The following USH2A variants were observed in gnomAD, a reference collection of about 807,000 sequenced individuals.
The protein encoded by USH2A is usherin.
Under a neutral mutation model 538.9 loss-of-function variants are expected in USH2A, and 443 were observed. That is an observed-to-expected ratio of 0.82 (90% confidence interval 0.76 to 0.89). The LOEUF (loss-of-function observed/expected upper bound fraction) is 0.89, where lower values mean the gene tolerates loss of function less well. Among genes scored for constraint, USH2A ranks in the 40% least tolerant of loss-of-function variants. The pLI, the probability that USH2A is intolerant of heterozygous loss-of-function variation, is 0.00. For synonymous variants in USH2A, 2,413 were observed against 2,273.5 expected (o/e 1.06, Z -1.75); for missense variants, 6,633 against 6,324.8 (o/e 1.05, Z -1.65).
chr1:216,068,843 A>C (rs2031465651), intron 30 of USH2A, among the ~76,000 whole-genome samples: 1 of 152,196 alleles, frequency 6.6e-6, no homozygotes, highest in Non-Finnish European at 1.5e-5. Flanking sequence ...CCCTAATAAC[A>C]ACTCCATCAG....
In USH2A at chr1:215,695,133, C is replaced by A. The variant is rs114681557; in HGVS notation, c.12067-14757G>T. 1.7e-3 allele frequency among the ~76,000 whole-genome samples: 264 copies of A among 152,290 alleles called. 1 individual carries two copies. Among genetic ancestry groups the A allele is most frequent in the African/African-American group, 6.0e-3 (250 of 41,564 alleles). Reference sequence around the variant, plus strand: ...TAGAGAGGTTATGAGACATTCTTATCAATGGGATGTGAGAAGAAGGAATGT... The same window carrying A: ...TAGAGAGGTTATGAGACATTCTTATAAATGGGATGTGAGAAGAAGGAATGT... On this transcript the variant is annotated intron_variant, in intron 61 of 71. Coordinates refer to ENST00000307340, the MANE Select transcript of USH2A (RefSeq NM_206933.4).
At chr1:216,205,483 A>T (rs1452540545) in intron 16 of USH2A, among the ~76,000 whole-genome samples, 3 of 152,220 alleles carry the variant, frequency 2.0e-5, no homozygotes, top group Non-Finnish European at 4.4e-5. Context: ...AGGGGTGGAC[A>T]TAAGAAACTA....
intron 60 of USH2A, among the ~76,000 whole-genome samples, chr1:215,736,755 C>T (rs1271038294): frequency 6.6e-6 from 1 of 151,850 alleles, no homozygotes; most frequent in African/African-American, 2.4e-5. Context: ...AACAATCTTA[C>T]TTATAATCAT....
intron 58 of USH2A, 44 bp downstream of exon 58, chr1:215,758,551 A>G: frequency 6.3e-7 from 1 of 1,589,570 alleles, no homozygotes; most frequent in South Asian, 1.1e-5. Context: ...TAATTCCTTT[A>G]AAATGTTTAC....
chr1:215,973,940 T>TCACACA (rs140368318), intron 35 of USH2A, among the ~76,000 whole-genome samples: 31,422 of 146,174 alleles, frequency 0.21, 3,525 homozygotes, highest in Non-Finnish European at 0.26. Flanking sequence ...ATAGGTGAGA[T>TCACACA]CACACACACA....
At position 215,900,817 on chromosome 1, in the gene USH2A, A is replaced by G. The variant is rs774630720; in HGVS notation, c.7389T>C (p.Ala2463=). 2.5e-6 allele frequency: 4 copies of G among 1,613,682 alleles called. No individual in the cohort carries two copies. Among genetic ancestry groups the G allele is most frequent in the African/African-American group, 2.7e-5 (2 of 74,880 alleles). Residue 2463 remains alanine, a synonymous_variant, in exon 39 of 72, where the codon GCT becomes GCC. Transcript: ENST00000307340. The stretch of plus-strand genomic sequence containing the variant: ...GGAGTTGGTATCTGGGAGAGCCAGG[A>G]GCGTTATTACGAGCTGGTGTAGACC... The part of the protein sequence containing the change: ...VVWSTPARNN[A]PGSPRYQLQM...
At chr1:215,666,127 A>G (rs959431883) in intron 64 of USH2A, among the ~76,000 whole-genome samples, 2 of 152,218 alleles carry the variant, frequency 1.3e-5, no homozygotes, top group African/African-American at 4.8e-5. Context: ...ATCCTTCAGA[A>G]TCCCAGAATT....
intron 21 of USH2A, among the ~76,000 whole-genome samples, chr1:216,101,470 C>G (rs147012926): frequency 6.6e-6 from 1 of 152,156 alleles, no homozygotes; most frequent in African/African-American, 2.4e-5. Flanking sequence ...AGTGGACATG[C>G]GGTGTGCGCA....
intron 66 of USH2A, 44 bp from the exon 67 acceptor site, chr1:215,647,774 T>G (rs1463145893): frequency 5.6e-6 from 9 of 1,599,984 alleles, no homozygotes; most frequent in Non-Finnish European, 6.0e-6. Context: ...GGTAATGGAA[T>G]TAGTTTAACT....
intron 69 of USH2A, among the ~76,000 whole-genome samples, 159 bp downstream of exon 69, chr1:215,638,996 A>C (rs879810022): frequency 6.6e-5 from 10 of 151,920 alleles, no homozygotes; most frequent in East Asian, 3.9e-4. Context: ...ACAACAACAA[A>C]AAAAAAACAA....
intron 49 of USH2A, among the ~76,000 whole-genome samples, chr1:215,812,285 C>T (rs1662718846): frequency 1.3e-5 from 2 of 152,116 alleles, no homozygotes; most frequent in South Asian, 4.1e-4. Context: ...CGTGCCCAGA[C>T]AGACCCTAGG....
intron 44 of USH2A, among the ~76,000 whole-genome samples, chr1:215,854,946 C>T (rs1164844740): frequency 6.6e-6 from 1 of 152,200 alleles, no homozygotes; most frequent in Non-Finnish European, 1.5e-5. Context: ...TCCATGCAAG[C>T]TTCCAGCTTG....
At chr1:215,714,302 G>C (rs1487760274) in intron 61 of USH2A, among the ~76,000 whole-genome samples, 1 of 152,214 alleles carries the variant, frequency 6.6e-6, no homozygotes, top group Non-Finnish European at 1.5e-5. Flanking sequence ...GTGAGGGAGA[G>C]TGGAGTGAAA....
chr1:215,885,015 T>A (rs1027850931), intron 41 of USH2A, among the ~76,000 whole-genome samples: 2 of 147,760 alleles, frequency 1.4e-5, no homozygotes, highest in African/African-American at 5.2e-5. Flanking sequence ...ATAAAAGAAG[T>A]TTTTTTTTTC....
chr1:215,690,247 G>A (rs1396068972), intron 61 of USH2A, among the ~76,000 whole-genome samples: 1 of 152,124 alleles, frequency 6.6e-6, no homozygotes, highest in Non-Finnish European at 1.5e-5. Flanking sequence ...CTAAACAGAG[G>A]AGTTGCTTTC....
At chr1:215,697,601 A>G (rs1266223133) in intron 61 of USH2A, among the ~76,000 whole-genome samples, 1 of 152,000 alleles carries the variant, frequency 6.6e-6, no homozygotes, top group Non-Finnish European at 1.5e-5. Context: ...GGCTCACTGC[A>G]ATCTCCGCCT....
intron 61 of USH2A, among the ~76,000 whole-genome samples, chr1:215,696,472 C>T (rs1461938408): frequency 6.6e-6 from 1 of 152,196 alleles, no homozygotes; most frequent in Non-Finnish European, 1.5e-5. Context: ...GCACTTCTCT[C>T]TCTTTTCCCT....
chr1:215,765,078 T>C (rs1212276532), intron 56 of USH2A, among the ~76,000 whole-genome samples: 2 of 152,086 alleles, frequency 1.3e-5, no homozygotes, highest in African/African-American at 4.8e-5. Context: ...TTTCAAGAAA[T>C]TTTGTTGGGA....
At chr1:215,886,278 C>T (rs1384404649) in intron 41 of USH2A, among the ~76,000 whole-genome samples, 1 of 152,080 alleles carries the variant, frequency 6.6e-6, no homozygotes, top group Non-Finnish European at 1.5e-5. Flanking sequence ...ACTTTTAAAT[C>T]TCATATTTTA....
Sources: allele counts gnomAD v4.1 joint callset (sites outside exome capture counted in the v4.1 genomes callset), GRCh38; gene constraint gnomAD v4.1.1; transcripts MANE v1.5; gene names NCBI Gene and HGNC (gene_info 2026-07-23, HGNC 2026-07-21).